MCC: variants seen among roughly 807,000 people sequenced by gnomAD.
MCC encodes colorectal mutant cancer protein.
In MCC, 90 loss-of-function variants were observed where a neutral mutation model predicts 116.2. The ratio of observed to expected loss-of-function variants is 0.77; its 90% confidence interval spans 0.65 to 0.92. The LOEUF (loss-of-function observed/expected upper bound fraction) is 0.92, where lower values mean the gene tolerates loss of function less well. Among genes scored for constraint, MCC ranks in the 40% least tolerant of loss-of-function variants. The pLI is 0.00. For missense variants in MCC, 1,516 were observed against 1,312.2 expected, an observed-to-expected ratio of 1.16 and a Z score of -2.40; for synonymous variants, 578 against 510.5, an observed-to-expected ratio of 1.13 and a Z score of -1.78.
chr5:113,403,367 T>TAC (rs1233768117), intron 1 of MCC, among the ~76,000 whole-genome samples: 1 of 152,314 alleles, frequency 6.6e-6, no homozygotes, highest in East Asian at 1.9e-4. Context: ...CCATCAACGT[T>TAC]TTATATTTAA....
At chr5:113,095,976 G>C (rs1399602782) in intron 8 of MCC, among the ~76,000 whole-genome samples, 1 of 152,140 alleles carries the variant, frequency 6.6e-6, no homozygotes, top group African/African-American at 2.4e-5. Flanking sequence ...CTTGGCACTG[G>C]GCCAGGCAGT....
At position 113,166,281 on chromosome 5, in the gene MCC, G is replaced by C. The variant is rs373861363; in HGVS notation, c.628-14859C>G. Among the ~76,000 whole-genome samples, 246 of 152,306 alleles carry C rather than the reference G, an allele frequency of 1.6e-3. 5 individuals carry two copies. In the South Asian group the frequency reaches 0.049, roughly 30 times the overall value. ...ATCAAAAGAAAATCTAAGTCTGGCA[G>C]TGACTAGAAATACTGACATTTTTAC... On this transcript the variant is annotated intron_variant, in intron 3 of 18. Transcript: ENST00000408903.
At chr5:113,249,888 T>C (rs1328659838) in intron 3 of MCC, among the ~76,000 whole-genome samples, 3 of 152,192 alleles carry the variant, frequency 2.0e-5, no homozygotes, top group Non-Finnish European at 4.4e-5. Context: ...ACTTAACTAA[T>C]TCTCTGTGAC....
At chr5:113,172,350 T>C (rs1761115887) in intron 3 of MCC, among the ~76,000 whole-genome samples, 1 of 152,240 alleles carries the variant, frequency 6.6e-6, no homozygotes, top group African/African-American at 2.4e-5. Context: ...TTAGAACAAC[T>C]ATTCAGCTGC....
intron 1 of MCC, among the ~76,000 whole-genome samples, chr5:113,464,691 C>G (rs773175493): frequency 9.9e-5 from 15 of 151,786 alleles, no homozygotes; most frequent in South Asian, 6.2e-4. Flanking sequence ...ATTCTCAATG[C>G]TTAGAAGAGT....
At chr5:113,156,952 CCT>C (rs1356421426) in intron 3 of MCC, among the ~76,000 whole-genome samples, 1 of 152,144 alleles carries the variant, frequency 6.6e-6, no homozygotes, top group Non-Finnish European at 1.5e-5. Flanking sequence ...GTCCAGCCCC[CCT>C]GAGCCCAGGT....
intron 3 of MCC, among the ~76,000 whole-genome samples, chr5:113,327,740 A>G (rs1409047102): frequency 6.6e-6 from 1 of 150,764 alleles, no homozygotes; most frequent in Non-Finnish European, 1.5e-5. Context: ...GACAAAGAGC[A>G]GCTGACATTT....
At chr5:113,445,592 T>C (rs561811871) in intron 1 of MCC, among the ~76,000 whole-genome samples, 4 of 152,148 alleles carry the variant, frequency 2.6e-5, no homozygotes, top group Admixed American at 6.5e-5. Flanking sequence ...AAAGAAATCA[T>C]AGGTGACACA....
chr5:113,080,603 TGA>T (rs1024284835), intron 11 of MCC, among the ~76,000 whole-genome samples: 70 of 151,998 alleles, frequency 4.6e-4, no homozygotes, highest in African/African-American at 1.4e-3. Flanking sequence ...AATTGAACAA[TGA>T]GAACACCTGG....
At chr5:113,323,702 A>C (rs1581399260) in intron 3 of MCC, among the ~76,000 whole-genome samples, 1 of 152,214 alleles carries the variant, frequency 6.6e-6, no homozygotes. Context: ...TCTTTAGAAG[A>C]CTAATGCAAT....
At chr5:113,102,064 T>C in intron 7 of MCC, 119 bp from the exon 8 acceptor site, 1 of 915,176 alleles carries the variant, frequency 1.1e-6, no homozygotes, top group Non-Finnish European at 1.7e-6. Context: ...AACCACTTTG[T>C]TATAAATAGT....
chr5:113,437,945 G>C (rs1770910107), intron 1 of MCC, among the ~76,000 whole-genome samples: 1 of 152,164 alleles, frequency 6.6e-6, no homozygotes, highest in Non-Finnish European at 1.5e-5. Flanking sequence ...TGCCATGTGG[G>C]ATTCTCTTTG....
At position 113,101,689 on chromosome 5, in the gene MCC, C is replaced by G. The variant is rs778634474; in HGVS notation, c.1398+50G>C. 7.5e-6 allele frequency: 12 copies of G among 1,598,180 alleles called. No individual in the cohort carries two copies. The East Asian group carries it at 2.5e-4, about 33-fold the overall frequency. On this transcript the variant is annotated intron_variant, in intron 8 of 18. Coordinates refer to ENST00000408903, the MANE Select transcript of MCC (RefSeq NM_001085377.2). ...CCTGGTGCTATACACCAGCCTCTCT[C>G]AGCCCCATGCCCAGGAAGGGCCTGA...
chr5:113,368,965 A>G (rs1440654228), intron 2 of MCC, among the ~76,000 whole-genome samples: 1 of 152,230 alleles, frequency 6.6e-6, no homozygotes, highest in Non-Finnish European at 1.5e-5. Context: ...AGAGTGGCTC[A>G]CAGAACTCAG....
At chr5:113,388,572 ACCTCCTC>A (rs1769328562) in intron 1 of MCC, among the ~76,000 whole-genome samples, 1 of 151,358 alleles carries the variant, frequency 6.6e-6, no homozygotes, top group Non-Finnish European at 1.5e-5. Flanking sequence ...GAGGCCTGAC[ACCTCCTC>A]CCCCACCTTG....
At chr5:113,470,875 G>A (rs529222030) in intron 1 of MCC, among the ~76,000 whole-genome samples, 22 of 152,134 alleles carry the variant, frequency 1.4e-4, no homozygotes, top group East Asian at 5.8e-4. Flanking sequence ...GACTTTGTTC[G>A]TTTCTTTTTA....
intron 1 of MCC, among the ~76,000 whole-genome samples, chr5:113,416,385 T>C (rs1770149063): frequency 6.6e-6 from 1 of 151,980 alleles, no homozygotes; most frequent in African/African-American, 2.4e-5. Context: ...CACCTGTGAA[T>C]AGCCCCTGCA....
intron 1 of MCC, among the ~76,000 whole-genome samples, chr5:113,484,544 A>G (rs1772461938): frequency 6.6e-6 from 1 of 152,210 alleles, no homozygotes; most frequent in African/African-American, 2.4e-5. Context: ...AAAGTAGCAA[A>G]CAGAAATGGA....
chr5:113,250,739 T>C (rs1229515794), intron 3 of MCC, among the ~76,000 whole-genome samples: 2 of 152,170 alleles, frequency 1.3e-5, no homozygotes, highest in African/African-American at 4.8e-5. Flanking sequence ...CGGCCAATGC[T>C]GGAAAACGCA....
Sources: gnomAD v4.1 joint callset for allele counts (sites outside exome capture counted in the v4.1 genomes callset) on GRCh38, gnomAD v4.1.1 for gene constraint, MANE v1.5 for transcripts, NCBI Gene and HGNC (gene_info 2026-07-23, HGNC 2026-07-21) for gene names.